Variants in CALHM4 observed in about 807,000 individuals in gnomAD.
CALHM4 encodes the protein calcium homeostasis modulator family member 4, also known as calcium homeostasis modulator protein 4.
A neutral mutation model predicts 13.3 loss-of-function variants in CALHM4; 16 were observed. The observed-to-expected ratio is 1.20, with a 90% CI of 0.81 to 1.82. The LOEUF (loss-of-function observed/expected upper bound fraction) is 1.82, where lower values mean the gene tolerates loss of function less well. CALHM4 is among the 40% of genes most tolerant of loss of function. The pLI is 0.00. For synonymous variants in CALHM4, 127 were observed against 137.1 expected (o/e 0.93, Z 0.52); for missense variants, 344 against 374.9 (o/e 0.92, Z 0.68).
chr6:116,558,000 T>C lies in CALHM4; in HGVS notation c.734T>C (p.Met245Thr), dbSNP rs759456648. ...GAGCAGCACTCTCGGCTCCTCATGATGCATCGCATAAAGAAGCTATTTGGC... is the reference window on the plus strand; with the variant it reads ...GAGCAGCACTCTCGGCTCCTCATGACGCATCGCATAAAGAAGCTATTTGGC... Reference protein sequence around the residue: ...AAEQHSRLLMMHRIKKLFGFI... With the variant: ...AAEQHSRLLMTHRIKKLFGFI... The change falls in exon 2 of 2, where the codon ATG becomes ACG. Residue 245 changes from methionine to threonine, a missense_variant. Coordinates refer to ENST00000368596, the MANE Select transcript of CALHM4 (RefSeq NM_001366078.2). The C allele has an allele frequency of 1.9e-5, 30 of 1,614,054 alleles. No homozygotes were observed. In the South Asian group the frequency reaches 2.6e-4, roughly 14 times the overall value.
At chr6:116,551,149 AC>A (rs1318525610), upstream of CALHM4, among the ~76,000 whole-genome samples, 1 of 152,136 alleles carries the variant, frequency 6.6e-6, no homozygotes, top group Non-Finnish European at 1.5e-5. Flanking sequence ...CCCTGACCAA[AC>A]CTGATGCACC....
chr6:116,553,856 T>C lies in CALHM4; in HGVS notation c.63T>C (p.Ser21=), dbSNP rs1279860894. 3 of 1,550,668 alleles carry C rather than the reference T, an allele frequency of 1.9e-6. No individual in the cohort carries two copies. In the Admixed American group the frequency reaches 5.9e-5, roughly 30 times the overall value. Residue 21 remains serine, a synonymous_variant, in exon 1 of 2, where the codon TCT becomes TCC. Coordinates refer to ENST00000368596, the MANE Select transcript of CALHM4 (RefSeq NM_001366078.2). ...SLQRNGIFIN[S]LIAALTIGGQ... ...AGAGAAATGGAATATTTATCAATTC[T>C]TTAATTGCAGCCTTGACTATTGGTG... is the stretch of plus-strand genomic sequence containing the variant.
In CALHM4 at chr6:116,554,027, C is replaced by T. The variant is rs549054426; in HGVS notation, c.234C>T (p.Thr78=). 26 of 1,550,650 alleles carry T rather than the reference C, an allele frequency of 1.7e-5. No homozygotes were observed. The South Asian group carries it at 1.9e-4, about 11-fold the overall frequency. ...TGAGAAGCCAAATGTGGACAATTAC[C>T]GGTGAATACTGCTGCAGCTGTGCCC... The part of the protein sequence containing the change: ...FALRSQMWTI[T]GEYCCSCAPP... Residue 78 remains threonine (T), a synonymous_variant, in exon 1 of 2, where the codon ACC becomes ACT. Transcript: ENST00000368596.
At chr6:116,551,650 A>G (rs1473386854), upstream of CALHM4, among the ~76,000 whole-genome samples, 2 of 151,960 alleles carry the variant, frequency 1.3e-5, no homozygotes, top group East Asian at 3.9e-4. Flanking sequence ...GCTTTTGGCT[A>G]TTCTAAATAG....
intron 2 of CALHM4, among the ~76,000 whole-genome samples, chr6:116,548,446 C>A (rs1164011864): frequency 6.6e-6 from 1 of 152,188 alleles, no homozygotes; most frequent in Non-Finnish European, 1.5e-5. Flanking sequence ...ATTGGCACTG[C>A]AGATGAAGTG....
chr6:116,552,009 C>T (rs539490832), upstream of CALHM4, among the ~76,000 whole-genome samples: 1 of 152,270 alleles, frequency 6.6e-6, no homozygotes, highest in Non-Finnish European at 1.5e-5. Context: ...AAAGATTATA[C>T]TTGTGCCCAT....
intron 1 of CALHM4, among the ~76,000 whole-genome samples, chr6:116,537,945 T>C (rs533933072): frequency 7.2e-5 from 11 of 152,324 alleles, no homozygotes; most frequent in South Asian, 6.2e-4. Context: ...CTGTGGCTAA[T>C]AGAGAATGGA....
chr6:116,547,619 A>C (rs151227339), intron 2 of CALHM4, among the ~76,000 whole-genome samples: 1 of 152,310 alleles, frequency 6.6e-6, no homozygotes, highest in East Asian at 1.9e-4. Context: ...TTAGGATGCA[A>C]GTGAGCCCTG....
In CALHM4 at chr6:116,558,182, A is replaced by C. The variant is rs898699157; in HGVS notation, c.916A>C (p.Arg306=). 1 of 1,613,458 alleles carries C rather than the reference A, an allele frequency of 6.2e-7. No homozygotes were observed. The highest frequency in any genetic ancestry group is 8.5e-7 in the Non-Finnish European group (1 of 1,179,908). The change falls in exon 2 of 2, where the codon AGA becomes CGA. Residue 306 remains arginine (R), a synonymous_variant. Coordinates refer to ENST00000368596, the MANE Select transcript of CALHM4 (RefSeq NM_001366078.2). The part of the protein sequence containing the change: ...NRVDEDNEED[R]SRGIELKP ...GGTGGATGAGGATAATGAGGAAGACAGATCAAGAGGTATTGAATTAAAACC... is the reference window on the plus strand; with the variant it reads ...GGTGGATGAGGATAATGAGGAAGACCGATCAAGAGGTATTGAATTAAAACC...
chr6:116,545,512 CAT>C, intron 2 of CALHM4: 1 of 1,547,942 alleles, frequency 6.5e-7, no homozygotes, highest in Non-Finnish European at 8.7e-7. Flanking sequence ...CAGGGCGAGA[CAT>C]AGTGCTTGAT....
intron 2 of CALHM4, chr6:116,545,330 G>T (rs1300962290): frequency 3.5e-6 from 2 of 579,406 alleles, no homozygotes; most frequent in Non-Finnish European, 5.9e-6. Context: ...ATTCCTAGAT[G>T]TGTCATTTAT....
chr6:116,547,973 G>A (rs1163281849), intron 2 of CALHM4, among the ~76,000 whole-genome samples: 2 of 152,174 alleles, frequency 1.3e-5, no homozygotes, highest in African/African-American at 4.8e-5. Context: ...ACTTGGGAAG[G>A]TGCTAATAGA....
intron 2 of CALHM4, among the ~76,000 whole-genome samples, chr6:116,544,255 T>A (rs1283399881): frequency 6.6e-6 from 1 of 151,436 alleles, no homozygotes; most frequent in East Asian, 2.0e-4. Context: ...AATCATACCC[T>A]ACCTACATGC....
At chr6:116,549,631 A>G (rs1480578655), upstream of CALHM4, among the ~76,000 whole-genome samples, 1 of 151,834 alleles carries the variant, frequency 6.6e-6, no homozygotes, top group Non-Finnish European at 1.5e-5. Context: ...TATATTTTAT[A>G]TATTTTCTGA....
chr6:116,536,584 T>C (rs1773108155), intron 1 of CALHM4, among the ~76,000 whole-genome samples: 1 of 152,228 alleles, frequency 6.6e-6, no homozygotes, highest in Admixed American at 6.5e-5. Context: ...CATAGGTTTC[T>C]TCATCTAGTC....
intron 2 of CALHM4, among the ~76,000 whole-genome samples, chr6:116,546,253 C>G (rs938800751): frequency 3.3e-5 from 5 of 152,088 alleles, no homozygotes; most frequent in Admixed American, 6.5e-5. Context: ...AGAAAGTAAG[C>G]CCTTAGCTTT....
At chr6:116,542,428 A>C (rs1773521875) in intron 1 of CALHM4, among the ~76,000 whole-genome samples, 1 of 152,136 alleles carries the variant, frequency 6.6e-6, no homozygotes, top group Admixed American at 6.6e-5. Context: ...TCTGTATTTC[A>C]ACTGAAAATA....
chr6:116,541,893 G>A (rs568659000), intron 1 of CALHM4, among the ~76,000 whole-genome samples: 1 of 152,166 alleles, frequency 6.6e-6, no homozygotes, highest in South Asian at 2.1e-4. Context: ...AATGTAAGAG[G>A]CTCTCAGCAG....
At chr6:116,532,148 G>A (rs1390099020) in intron 1 of CALHM4, among the ~76,000 whole-genome samples, 4 of 152,178 alleles carry the variant, frequency 2.6e-5, no homozygotes, top group African/African-American at 9.7e-5. Flanking sequence ...TGAGCAGACA[G>A]GGTAGGAGTC....
Sources: gnomAD v4.1 joint callset for allele counts (sites outside exome capture counted in the v4.1 genomes callset) on GRCh38, gnomAD v4.1.1 for gene constraint, MANE v1.5 for transcripts, NCBI Gene and HGNC (gene_info 2026-07-23, HGNC 2026-07-21) for gene names.